IMPG1: variants seen among roughly 807,000 people sequenced by gnomAD.
IMPG1 encodes the protein interphotoreceptor matrix proteoglycan of 150 kDa.
In IMPG1, 85 loss-of-function variants were observed where a neutral mutation model predicts 92.0. The observed-to-expected ratio is 0.92, with a 90% CI of 0.78 to 1.11. IMPG1 has a LOEUF of 1.11. Ranked by LOEUF, IMPG1 falls within the 50% of genes least tolerant of loss-of-function variation. The pLI is 0.00. For synonymous variants in IMPG1, 367 were observed against 334.1 expected (o/e 1.10, Z -1.08); for missense variants, 1,022 against 956.0 (o/e 1.07, Z -0.91).
At chr6:75,960,257 A>G (rs995141788) in intron 12 of IMPG1, among the ~76,000 whole-genome samples, 45 of 152,180 alleles carry the variant, frequency 3.0e-4, no homozygotes, top group African/African-American at 1.1e-3. Flanking sequence ...AAATTCAGAA[A>G]TCACCTGCCT....
chr6:76,060,293 G>T (rs989829664), intron 1 of IMPG1, among the ~76,000 whole-genome samples: 3 of 152,190 alleles, frequency 2.0e-5, no homozygotes, highest in African/African-American at 7.2e-5. Context: ...AGGCAGCATT[G>T]CTGTTCCTTA....
intron 12 of IMPG1, among the ~76,000 whole-genome samples, chr6:75,975,093 C>T (rs1782512497): frequency 1.3e-5 from 2 of 152,182 alleles, no homozygotes; most frequent in South Asian, 4.1e-4. Flanking sequence ...ATATATGCTC[C>T]CTGAAGGCAG....
At chr6:75,931,641 A>T (rs1024497840) in intron 14 of IMPG1, among the ~76,000 whole-genome samples, 1 of 152,168 alleles carries the variant, frequency 6.6e-6, no homozygotes, top group Non-Finnish European at 1.5e-5. Flanking sequence ...AACAGTTTTG[A>T]GAACTCAGGA....
intron 10 of IMPG1, among the ~76,000 whole-genome samples, chr6:76,004,199 C>T (rs1027199289): frequency 3.3e-5 from 5 of 152,106 alleles, no homozygotes; most frequent in African/African-American, 1.2e-4. Context: ...TTTTAGGGTG[C>T]TCAGTTTTAT....
intron 4 of IMPG1, among the ~76,000 whole-genome samples, chr6:76,030,462 TA>T (rs528029391): frequency 2.7e-3 from 412 of 152,232 alleles, no homozygotes; most frequent in African/African-American, 9.4e-3. Flanking sequence ...GGGAATCCTT[TA>T]AAAAATGCCT....
chr6:76,050,756 G>T (rs1371635052), intron 1 of IMPG1, among the ~76,000 whole-genome samples: 2 of 152,128 alleles, frequency 1.3e-5, no homozygotes, highest in Non-Finnish European at 2.9e-5. Context: ...TTACCAACCT[G>T]TTTGGACCAT....
chr6:76,051,200 G>A (rs1419885548), intron 1 of IMPG1, among the ~76,000 whole-genome samples: 1 of 152,098 alleles, frequency 6.6e-6, no homozygotes, highest in Non-Finnish European at 1.5e-5. Flanking sequence ...TGTTTCTCTT[G>A]TTTGAGATTC....
intron 10 of IMPG1, among the ~76,000 whole-genome samples, 175 bp downstream of exon 10, chr6:76,005,112 A>G (rs1302525774): frequency 6.6e-6 from 1 of 152,206 alleles, no homozygotes; most frequent in African/African-American, 2.4e-5. Flanking sequence ...AAGACTCATC[A>G]AATGAGACAC....
Position 75,985,655 on chromosome 6 carries a change from G to C in IMPG1, c.1291+17263C>G, listed in dbSNP as rs9447584. On this transcript the variant is annotated intron_variant, in intron 12 of 16. Transcript: ENST00000369950. ...GTATCTATTGCTTATGTTGTTTTAT[G>C]GACTATTTCAATCCTACTATTCCAT... Among the ~76,000 whole-genome samples, 187 of 152,210 alleles carry C rather than the reference G, an allele frequency of 1.2e-3. 1 individual carries two copies. Among genetic ancestry groups the C allele is most frequent in the African/African-American group, 4.2e-3 (176 of 41,538 alleles).
intron 12 of IMPG1, 130 bp from the exon 13 acceptor site, chr6:75,951,224 T>C: frequency 1.8e-5 from 3 of 166,858 alleles, no homozygotes; most frequent in Non-Finnish European, 2.8e-5. Flanking sequence ...TCAATAGTCA[T>C]TTTTTTTTTT....
At chr6:76,018,347 G>A (rs1420441079) in intron 7 of IMPG1, among the ~76,000 whole-genome samples, 2 of 152,328 alleles carry the variant, frequency 1.3e-5, no homozygotes, top group East Asian at 3.9e-4. Context: ...ATGAGACGAA[G>A]TAAGGTAAAT....
chr6:75,946,729 G>C (rs1781934611), intron 14 of IMPG1, among the ~76,000 whole-genome samples: 1 of 152,096 alleles, frequency 6.6e-6, no homozygotes, highest in Non-Finnish European at 1.5e-5. Context: ...TCTTCACATG[G>C]AAGCTGATCT....
chr6:75,957,586 G>T (rs532016704), intron 12 of IMPG1, among the ~76,000 whole-genome samples: 1 of 152,250 alleles, frequency 6.6e-6, no homozygotes. Context: ...AAATCTGGTT[G>T]CTCCTATGTT....
chr6:76,007,199 G>A (rs1172991426), intron 9 of IMPG1, among the ~76,000 whole-genome samples: 1 of 152,068 alleles, frequency 6.6e-6, no homozygotes, highest in African/African-American at 2.4e-5. Context: ...AGCACAGATA[G>A]TGTTTTTATG....
intron 14 of IMPG1, among the ~76,000 whole-genome samples, chr6:75,932,530 A>G (rs1365682796): frequency 6.6e-6 from 1 of 152,170 alleles, no homozygotes. Context: ...AGAGCCATGG[A>G]AGGGATAGAA....
rs576997575 is a variant in IMPG1 at position 76,005,665 on chromosome 6, C to T, written c.888-131G>A. The T allele has an allele frequency of 1.2e-4, 93 of 790,686 alleles. No individual in the cohort carries two copies. In the South Asian group the frequency reaches 1.3e-3, roughly 11 times the overall value. The allele number at this position is 790,686 out of a possible 1,614,324, so 49.0% of individuals were successfully genotyped here. A position where few individuals can be genotyped will look rare whatever the true frequency, so the allele number is the denominator to read the frequency against. The stretch of plus-strand genomic sequence containing the variant: ...CCTGATGGGCTCGGAGAGAATATCC[C>T]ACTTTAAAACATTTCAACATTTATC... On this transcript the variant is annotated intron_variant, in intron 9 of 16. Coordinates refer to ENST00000369950, the MANE Select transcript of IMPG1 (RefSeq NM_001563.4).
intron 12 of IMPG1, among the ~76,000 whole-genome samples, chr6:75,966,414 G>C (rs1782308490): frequency 6.6e-6 from 1 of 152,140 alleles, no homozygotes; most frequent in Non-Finnish European, 1.5e-5. Context: ...TTAATGCCAT[G>C]ATCATGCAAT....
intron 12 of IMPG1, among the ~76,000 whole-genome samples, chr6:75,971,403 G>A (rs1296221391): frequency 6.6e-6 from 1 of 151,832 alleles, no homozygotes. Flanking sequence ...CACCAGCATG[G>A]CACATGTATA....
intron 14 of IMPG1, among the ~76,000 whole-genome samples, chr6:75,933,260 C>G (rs1394054327): frequency 6.6e-6 from 1 of 152,172 alleles, no homozygotes; most frequent in Non-Finnish European, 1.5e-5. Context: ...GTGTTTGGGT[C>G]TGAGGAAGTG....
Sources: allele counts gnomAD v4.1 joint callset (sites outside exome capture counted in the v4.1 genomes callset), GRCh38; gene constraint gnomAD v4.1.1; transcripts MANE v1.5; gene names NCBI Gene and HGNC (gene_info 2026-07-23, HGNC 2026-07-21).